Variants in CNTNAP4 observed in about 807,000 individuals in gnomAD.
The protein encoded by CNTNAP4 is contactin associated protein family member 4.
In CNTNAP4, 98 loss-of-function variants were observed where a neutral mutation model predicts 148.4. That is an observed-to-expected ratio of 0.66 (90% CI 0.56 to 0.78). The LOEUF is 0.78. Ranked by LOEUF, CNTNAP4 falls within the 30% of genes least tolerant of loss-of-function variation. CNTNAP4 has a pLI of 0.00. For missense variants in CNTNAP4, 1,935 were observed against 1,565.6 expected (o/e 1.24, Z -3.98); for synonymous variants, 730 against 565.1 (o/e 1.29, Z -4.14).
At chr16:76,396,457 G>T (rs777680367) in intron 3 of CNTNAP4, among the ~76,000 whole-genome samples, 3 of 152,212 alleles carry the variant, frequency 2.0e-5, no homozygotes, top group Non-Finnish European at 4.4e-5. Context: ...GTGGTGAAGA[G>T]AGAGCTGTTA....
intron 2 of CNTNAP4, among the ~76,000 whole-genome samples, chr16:76,341,609 T>C (rs1964475489): frequency 6.6e-6 from 1 of 152,158 alleles, no homozygotes; most frequent in Admixed American, 6.5e-5. Flanking sequence ...AAACATCCAT[T>C]TTTGAAATGT....
At chr16:76,438,424 T>C (rs1014040614) in intron 4 of CNTNAP4, among the ~76,000 whole-genome samples, 5 of 152,086 alleles carry the variant, frequency 3.3e-5, no homozygotes, top group African/African-American at 1.2e-4. Flanking sequence ...TTTACTGAAA[T>C]GCCACAAGGT....
chr16:76,460,249 A>G (rs1380865821), intron 8 of CNTNAP4, among the ~76,000 whole-genome samples: 1 of 151,770 alleles, frequency 6.6e-6, no homozygotes, highest in Admixed American at 6.6e-5. Flanking sequence ...CTGGGATCAC[A>G]GGCATGTGCC....
At chr16:76,418,584 C>T (rs1184920601) in intron 3 of CNTNAP4, among the ~76,000 whole-genome samples, 1 of 151,590 alleles carries the variant, frequency 6.6e-6, no homozygotes, top group Non-Finnish European at 1.5e-5. Flanking sequence ...TTACATTACC[C>T]ATCTGTTTTT....
Position 76,538,250 on chromosome 16 carries a change from T to G in CNTNAP4, c.3130T>G (p.Phe1044Val). Reference sequence around the variant, plus strand: ...GAAGCTGAGCAGAGAAATGATCAAATTTAGTTTCCGAACAACACGAACACC... The same window carrying G: ...GAAGCTGAGCAGAGAAATGATCAAAGTTAGTTTCCGAACAACACGAACACC... Reference protein sequence around the residue: ...DMKLSREMIKFSFRTTRTPSL... With the variant: ...DMKLSREMIKVSFRTTRTPSL... The change falls in exon 19 of 24, where the codon TTT (phenylalanine) becomes GTT (valine). Residue 1044 changes from phenylalanine to valine, a missense_variant. Physicochemically the swap from Phe to Val is conservative, Grantham distance 50. Transcript: ENST00000611870. The G allele has an allele frequency of 1.2e-6, 2 of 1,611,110 alleles. No homozygotes were observed. Among genetic ancestry groups the G allele is most frequent in the Non-Finnish European group, 1.7e-6 (2 of 1,178,910 alleles).
chr16:76,400,453 C>G (rs2078368430), intron 3 of CNTNAP4, among the ~76,000 whole-genome samples: 1 of 152,104 alleles, frequency 6.6e-6, no homozygotes, highest in Non-Finnish European at 1.5e-5. Context: ...AGGCTTCTGT[C>G]TGATGCATAG....
intron 21 of CNTNAP4, among the ~76,000 whole-genome samples, chr16:76,548,648 T>C (rs2084839966): frequency 6.6e-6 from 1 of 152,050 alleles, no homozygotes; most frequent in African/African-American, 2.4e-5. Context: ...TGAGGGTTAC[T>C]TTTTAACAGG....
chr16:76,456,262 G>A (rs111864173), intron 8 of CNTNAP4, among the ~76,000 whole-genome samples: 1,579 of 152,332 alleles, frequency 0.01, 31 homozygotes, highest in African/African-American at 0.036. Context: ...CATAGGATTT[G>A]GGGTTGTGTT....
chr16:76,480,918 A>C (rs962984078), intron 12 of CNTNAP4, among the ~76,000 whole-genome samples: 1 of 152,206 alleles, frequency 6.6e-6, no homozygotes, highest in Non-Finnish European at 1.5e-5. Flanking sequence ...ATGAGTAAAT[A>C]CACAGAGGCA....
At chr16:76,360,270 T>A (rs1482008414) in intron 3 of CNTNAP4, among the ~76,000 whole-genome samples, 1 of 152,188 alleles carries the variant, frequency 6.6e-6, no homozygotes, top group African/African-American at 2.4e-5. Context: ...TCACAAAATA[T>A]TCAGGCCATT....
intron 3 of CNTNAP4, among the ~76,000 whole-genome samples, chr16:76,376,380 C>T (rs1056719750): frequency 2.0e-5 from 3 of 152,010 alleles, no homozygotes; most frequent in Non-Finnish European, 2.9e-5. Flanking sequence ...AAAGGCCATT[C>T]GAGAGCGTAT....
chr16:76,398,251 G>A (rs954773118), intron 3 of CNTNAP4, among the ~76,000 whole-genome samples: 13 of 149,316 alleles, frequency 8.7e-5, no homozygotes, highest in Non-Finnish European at 1.9e-4. Context: ...GTTGAGGATG[G>A]TTCTGTCTTT....
At chr16:76,481,029 T>C (rs184295557) in intron 12 of CNTNAP4, among the ~76,000 whole-genome samples, 1 of 152,334 alleles carries the variant, frequency 6.6e-6, no homozygotes, top group East Asian at 1.9e-4. Flanking sequence ...CGTATATAGC[T>C]GTCACAAAGA....
intron 3 of CNTNAP4, among the ~76,000 whole-genome samples, chr16:76,368,901 G>A (rs12716807): frequency 0.49 from 74,248 of 151,966 alleles, 18,511 homozygotes; most frequent in Admixed American, 0.55. Context: ...CTCAATGGCT[G>A]CGTTAGACCA....
At chr16:76,541,777 A>C (rs958304150) in intron 21 of CNTNAP4, among the ~76,000 whole-genome samples, 3 of 152,216 alleles carry the variant, frequency 2.0e-5, no homozygotes, top group African/African-American at 7.2e-5. Flanking sequence ...TATGATGAGC[A>C]CCAAGATTAT....
At chr16:76,545,488 C>T (rs938580751) in intron 21 of CNTNAP4, among the ~76,000 whole-genome samples, 7 of 152,196 alleles carry the variant, frequency 4.6e-5, no homozygotes, top group African/African-American at 1.4e-4. Flanking sequence ...AGGTGGTCCC[C>T]GTGGAGTGGG....
chr16:76,318,748 CAT>C lies in CNTNAP4; in HGVS notation c.196+2227_196+2228del, dbSNP rs534533566. On this transcript the variant is annotated intron_variant, in intron 2 of 23. Coordinates refer to ENST00000611870, the MANE Select transcript of CNTNAP4 (RefSeq NM_033401.5). Reference sequence around the variant, plus strand: ...ATTAATTATTTTTATTAATAATAATCATAATAATATTCATAATAATAATCATA... The same window carrying C: ...ATTAATTATTTTTATTAATAATAATCAATAATATTCATAATAATAATCATA... Among the ~76,000 whole-genome samples, 642 of 146,038 alleles carry C rather than the reference CAT, an allele frequency of 4.4e-3. 4 individuals carry two copies. Among genetic ancestry groups the C allele is most frequent in the African/African-American group, 0.015 (587 of 39,920 alleles).
At chr16:76,519,668 A>G (rs147001291) in intron 15 of CNTNAP4, among the ~76,000 whole-genome samples, 24 of 152,304 alleles carry the variant, frequency 1.6e-4, no homozygotes, top group East Asian at 1.9e-4. Flanking sequence ...ATTTTGTCCT[A>G]GAGATCCAAA....
intron 1 of CNTNAP4, among the ~76,000 whole-genome samples, chr16:76,279,527 A>G (rs1210664628): frequency 6.6e-6 from 1 of 152,132 alleles, no homozygotes; most frequent in African/African-American, 2.4e-5. Flanking sequence ...TGGATCCCTC[A>G]CTGACACTTA....
Sources: allele counts gnomAD v4.1 joint callset (sites outside exome capture counted in the v4.1 genomes callset), GRCh38; gene constraint gnomAD v4.1.1; transcripts MANE v1.5; gene names NCBI Gene and HGNC (gene_info 2026-07-23, HGNC 2026-07-21).